The following KLHL23 variants were observed in gnomAD, a reference collection of about 807,000 sequenced individuals.
KLHL23 encodes the protein kelch like family member 23.
A neutral mutation model predicts 48.9 loss-of-function variants in KLHL23; 33 were observed. The ratio of observed to expected loss-of-function variants is 0.67; its 90% CI spans 0.51 to 0.90. The LOEUF (loss-of-function observed/expected upper bound fraction) is 0.90. KLHL23 is among the 40% of genes least tolerant of loss of function. The pLI, the probability that KLHL23 is intolerant of heterozygous loss-of-function variation, is 0.00. For synonymous variants in KLHL23, 234 were observed against 231.6 expected (o/e 1.01, Z -0.09); for missense variants, 608 against 669.6 (o/e 0.91, Z 1.02).
At chr2:169,748,737 A>G (rs546501087) in intron 3 of KLHL23, among the ~76,000 whole-genome samples, 7 of 145,184 alleles carry the variant, frequency 4.8e-5, no homozygotes, top group African/African-American at 1.5e-4. Flanking sequence ...GGGAGATAAA[A>G]TGGAAAACAT....
chr2:169,743,715 C>T (rs999326262), intron 3 of KLHL23, among the ~76,000 whole-genome samples: 6 of 152,234 alleles, frequency 3.9e-5, no homozygotes, highest in African/African-American at 1.4e-4. Flanking sequence ...GGCTTGTGTG[C>T]TCCGTTTCAC....
chr2:169,745,801 G>T (rs1688783647), intron 3 of KLHL23, among the ~76,000 whole-genome samples: 1 of 152,214 alleles, frequency 6.6e-6, no homozygotes, highest in Non-Finnish European at 1.5e-5. Context: ...TATACTGAAG[G>T]AGAAGCTGAC....
Position 169,735,756 on chromosome 2 carries a change from A to G in KLHL23, c.742A>G (p.Thr248Ala). 1 of 1,614,074 alleles carries G rather than the reference A, an allele frequency of 6.2e-7. No individual in the cohort carries two copies. The highest frequency in any genetic ancestry group is 1.1e-5 in the South Asian group (1 of 91,082). Residue 248 changes from threonine (T) to alanine (A), a missense_variant, in exon 2 of 4, where the codon ACC becomes GCC. Transcript: ENST00000392647. The surrounding 1 kb of genome is among the most constrained non-coding windows in gnomAD (Gnocchi z 4.5). ...ALGLQRSCLLTENKIRSLIYN... is the reference protein window; with the variant it reads ...ALGLQRSCLLAENKIRSLIYN... Reference sequence around the variant, plus strand: ...AGGCCTTCAAAGAAGCTGCCTGCTCACCGAAAATAAGATCCGCTCCCTAAT... The same window carrying G: ...AGGCCTTCAAAGAAGCTGCCTGCTCGCCGAAAATAAGATCCGCTCCCTAAT...
In KLHL23 at chr2:169,749,490, G is replaced by C; in HGVS notation, c.1435G>C (p.Glu479Gln). Residue 479 changes from glutamate to glutamine, a missense_variant, in exon 4 of 4, where the codon GAA becomes CAA. By Grantham distance (29) the Glu-to-Gln change is conservative. Coordinates refer to ENST00000392647, the MANE Select transcript of KLHL23 (RefSeq NM_144711.6). ...AGTCGGCGGACAAACTACAATCACA[G>C]AATGCTATGACCCTGAACAAAATGA... ...YLVGGQTTIT[E>Q]CYDPEQNEWR... 1 of 1,614,052 alleles carries C rather than the reference G, an allele frequency of 6.2e-7. No individual in the cohort carries two copies. The highest frequency in any genetic ancestry group is 8.5e-7 in the Non-Finnish European group (1 of 1,179,986).
At chr2:169,738,696 A>G (rs1230233745) in intron 2 of KLHL23, among the ~76,000 whole-genome samples, 1 of 152,072 alleles carries the variant, frequency 6.6e-6, no homozygotes, top group East Asian at 1.9e-4. Flanking sequence ...ATAGAAAGGA[A>G]CAAGAAGATT....
In KLHL23 at chr2:169,736,228, G is replaced by A; in HGVS notation, c.1213+1G>A. 6.3e-7 allele frequency: 1 copy of A among 1,596,206 alleles called. No homozygotes were observed. The highest frequency in any genetic ancestry group is 1.1e-5 in the South Asian group (1 of 88,348). On this transcript the variant is annotated splice_donor_variant, in intron 2 of 3. Coordinates refer to ENST00000392647, the MANE Select transcript of KLHL23 (RefSeq NM_144711.6). LOFTEE classifies it high-confidence loss of function. Reference sequence around the variant, plus strand: ...ATTCCTATTGCAAACATGATTAAAGGTAAGTGGAGATTATGTTTATTTTGT... The same window carrying A: ...ATTCCTATTGCAAACATGATTAAAGATAAGTGGAGATTATGTTTATTTTGT...
Position 169,749,928 on chromosome 2 carries a change from TATAC to T in KLHL23, c.*198_*201del, listed in dbSNP as rs10611184. 0.4 allele frequency: 83,513 copies of T among 206,854 alleles called. 19,847 individuals are homozygous for T. The highest frequency in any genetic ancestry group is 0.54 in the East Asian group (7,775 of 14,342). 12.8% of individuals were successfully genotyped at this position (206,854 alleles called of 1,614,324 possible). On this transcript the variant is annotated 3_prime_UTR_variant, in exon 4 of 4. Transcript: ENST00000392647. ...AAGAAAAATCTTATATATATATATA[TATAC>T]ACACACACATATATGTGTTCATATA...
chr2:169,747,684 A>G (rs1688827817), intron 3 of KLHL23, among the ~76,000 whole-genome samples: 1 of 151,150 alleles, frequency 6.6e-6, no homozygotes, highest in Non-Finnish European at 1.5e-5. Context: ...ATGTGAGGAC[A>G]CATTGGGACA....
intron 2 of KLHL23, among the ~76,000 whole-genome samples, chr2:169,738,561 C>G (rs886180875): frequency 6.6e-6 from 1 of 151,684 alleles, no homozygotes; most frequent in Non-Finnish European, 1.5e-5. Context: ...TTTTTTTGGT[C>G]CTGGACCCAA....
intron 2 of KLHL23, among the ~76,000 whole-genome samples, chr2:169,738,298 G>GA (rs994924193): frequency 1.3e-5 from 2 of 151,372 alleles, no homozygotes. Context: ...AATGGCGGGG[G>GA]GTCTCACTAT....
chr2:169,735,331 A>G lies in KLHL23; in HGVS notation c.317A>G (p.Asn106Ser). 6.2e-7 allele frequency: 1 copy of G among 1,613,514 alleles called. No homozygotes were observed. Among genetic ancestry groups the G allele is most frequent in the Non-Finnish European group, 8.5e-7 (1 of 1,179,906 alleles). ...YTSQIEITKR[N>S]VQSLLEAADL... ...TCCCAAATTGAAATAACTAAAAGAA[A>G]TGTTCAAAGCCTGCTTGAGGCAGCG... The change falls in exon 2 of 4, where the codon AAT becomes AGT. Residue 106 changes from asparagine to serine, a missense_variant. By Grantham distance (46) the Asn-to-Ser change is conservative (BLOSUM62 1). Around this residue, in one of 3 missense-constraint regions of KLHL23, gnomAD observed 419 missense variants for 473.1 expected, o/e 0.89. Transcript: ENST00000392647. This position sits in a 1 kb window ranked among gnomAD's most constrained non-coding sequence, Gnocchi z 4.5.
At chr2:169,746,523 A>G (rs1480612038) in intron 3 of KLHL23, among the ~76,000 whole-genome samples, 2 of 152,174 alleles carry the variant, frequency 1.3e-5, no homozygotes, top group Non-Finnish European at 2.9e-5. Context: ...TGTGCATCCT[A>G]CATGCTGCTA....
rs906468421 is a variant in KLHL23 at position 169,734,051 on chromosome 2, C to T, written c.-39C>T. On this transcript the variant is annotated 5_prime_UTR_variant, in exon 1 of 4. Transcript: ENST00000392647. Reference sequence around the variant, plus strand: ...GTCCCCGCTCCCGCTCGCTACTAGCCCGCGGGCCAGCGCCGCGTCCCGAGC... The same window carrying T: ...GTCCCCGCTCCCGCTCGCTACTAGCTCGCGGGCCAGCGCCGCGTCCCGAGC... 4.0e-5 allele frequency: 6 copies of T among 151,610 alleles called. No homozygotes were observed. Among genetic ancestry groups the T allele is most frequent in the East Asian group, 1.9e-4 (1 of 5,152 alleles). The allele number at this position is 151,610 out of a possible 1,614,324, so 9.4% of individuals were successfully genotyped here. A position where few individuals can be genotyped will look rare whatever the true frequency, so the allele number is the denominator to read the frequency against.
In KLHL23 at chr2:169,749,986, C is replaced by CATAT. The variant is rs1553478050; in HGVS notation, c.*254_*255insATAT. Reference sequence around the variant, plus strand: ...GTATACATATATATGTGTATATATACGTATGTATACATATATGTGTATATA... The same window carrying CATAT: ...GTATACATATATATGTGTATATATACATATGTATGTATACATATATGTGTATATA... On this transcript the variant is annotated 3_prime_UTR_variant, in exon 4 of 4. Transcript: ENST00000392647. 3 of 97,648 alleles carry CATAT rather than the reference C, an allele frequency of 3.1e-5. 1 individual carries two copies. The highest frequency in any genetic ancestry group is 5.8e-5 in the African/African-American group (1 of 17,220). 6.0% of individuals were successfully genotyped at this position (97,648 alleles called of 1,614,324 possible).
chr2:169,750,100 ATACATATATATGTGTG>A lies in KLHL23; in HGVS notation c.*371_*386del. ...CGTATGTATGTATACATATATGTGT[ATACATATATATGTGTG>A]TATATATATACACATATATACGTAT... is the stretch of plus-strand genomic sequence containing the variant. On this transcript the variant is annotated 3_prime_UTR_variant, in exon 4 of 4. Transcript: ENST00000392647. The A allele has an allele frequency of 5.4e-5, 1 of 18,546 alleles. No homozygotes were observed. Among genetic ancestry groups the A allele is most frequent in the African/African-American group, 1.1e-4 (1 of 9,108 alleles). 1.1% of individuals were successfully genotyped at this position (18,546 alleles called of 1,614,324 possible).
chr2:169,750,182 T>C lies in KLHL23; in HGVS notation c.*450T>C, dbSNP rs999256023. On this transcript the variant is annotated 3_prime_UTR_variant, in exon 4 of 4. Coordinates refer to ENST00000392647, the MANE Select transcript of KLHL23 (RefSeq NM_144711.6). ...TACACAGTTGAATCAGTGGGATTAA[T>C]ACCTATAATCTCTGGTTTTCAAAGG... is the stretch of plus-strand genomic sequence containing the variant. 1.3e-5 allele frequency: 2 copies of C among 152,956 alleles called. No individual in the cohort carries two copies. The highest frequency in any genetic ancestry group is 4.9e-5 in the African/African-American group (2 of 41,132). The allele number at this position is 152,956 out of a possible 1,614,324, so 9.5% of individuals were successfully genotyped here. A position where few individuals can be genotyped will look rare whatever the true frequency, so the allele number is the denominator to read the frequency against.
chr2:169,741,039 G>A (rs555039905), intron 2 of KLHL23: 15 of 168,042 alleles, frequency 8.9e-5, no homozygotes, highest in South Asian at 3.8e-4. Context: ...TGCCAGAGGC[G>A]TAGATTTATT....
chr2:169,746,516 G>T (rs1177468081), intron 3 of KLHL23, among the ~76,000 whole-genome samples: 1 of 152,182 alleles, frequency 6.6e-6, no homozygotes, highest in Non-Finnish European at 1.5e-5. Flanking sequence ...TCTGCTGTGT[G>T]CATCCTACAT....
chr2:169,736,358 C>A, intron 2 of KLHL23, 131 bp downstream of exon 2: 1 of 1,286,412 alleles, frequency 7.8e-7, no homozygotes, highest in Non-Finnish European at 1.0e-6. Flanking sequence ...TAATGCTACA[C>A]AGAATGTTCC....
Sources: allele counts gnomAD v4.1 joint callset (sites outside exome capture counted in the v4.1 genomes callset), GRCh38; gene constraint gnomAD v4.1.1; regional missense constraint gnomAD v4.1.1; non-coding constraint Gnocchi (gnomAD v3.1); transcripts MANE v1.5; gene names NCBI Gene and HGNC (gene_info 2026-07-23, HGNC 2026-07-21).